The following IHO1 variants were observed in gnomAD, a reference collection of about 807,000 sequenced individuals.
IHO1 encodes interactor of HORMAD1 1.
IHO1 carries 13 observed loss-of-function variants against 31.0 expected under a neutral mutation model. That is an observed-to-expected ratio of 0.42 (90% CI 0.27 to 0.67). The LOEUF is 0.67. Ranked by LOEUF, IHO1 falls within the 30% of genes least tolerant of loss-of-function variation. IHO1 has a pLI of 0.24. For missense variants in IHO1, 599 were observed against 687.5 expected, an observed-to-expected ratio of 0.87 and a Z score of 1.44; for synonymous variants, 221 against 248.4, an observed-to-expected ratio of 0.89 and a Z score of 1.04.
chr3:49,237,887 CTTTTT>C (rs574951773), intron 3 of IHO1, among the ~76,000 whole-genome samples: 9 of 51,412 alleles, frequency 1.8e-4, no homozygotes, highest in African/African-American at 3.3e-4. Context: ...CTGTCTTTTC[CTTTTT>C]TTTTTTTTTT....
chr3:49,234,162 G>GTTTTTTTTTTT (rs56802492), intron 2 of IHO1, among the ~76,000 whole-genome samples: 63 of 91,906 alleles, frequency 6.9e-4, no homozygotes, highest in East Asian at 1.1e-3. Flanking sequence ...TTTTGTTGTT[G>GTTTTTTTTTTT]TTTTTTTTTT....
intron 6 of IHO1, among the ~76,000 whole-genome samples, chr3:49,254,198 C>T (rs985209332): frequency 3.9e-5 from 6 of 152,150 alleles, no homozygotes; most frequent in African/African-American, 4.8e-5. Flanking sequence ...GCTCATTAAA[C>T]ATTCGTTGAA....
intron 2 of IHO1, among the ~76,000 whole-genome samples, chr3:49,212,671 T>TTGTTC (rs2046237469): frequency 6.6e-6 from 1 of 152,128 alleles, no homozygotes; most frequent in African/African-American, 2.4e-5. Flanking sequence ...TGTCCAGAGT[T>TTGTTC]TGTTCCTTCT....
In IHO1 at chr3:49,255,535, T is replaced by G. The variant is rs201780163; in HGVS notation, c.636+42T>G. ...ACCTCTTTCTAAGTGTGTTTTGGGC[T>G]TTGAACTAGACCCAGAGAGAAACTT... On this transcript the variant is annotated intron_variant, in intron 7 of 7. Transcript: ENST00000452691. 3.9e-6 allele frequency: 5 copies of G among 1,270,340 alleles called. No individual in the cohort carries two copies. In the East Asian group the frequency reaches 1.3e-4, roughly 32 times the overall value. 78.7% of individuals were successfully genotyped at this position (1,270,340 alleles called of 1,614,324 possible).
intron 2 of IHO1, among the ~76,000 whole-genome samples, chr3:49,216,059 C>T (rs6446257): frequency 0.79 from 120,085 of 152,140 alleles, 47,794 homozygotes; most frequent in East Asian, 0.99. Context: ...ATTATAAAGG[C>T]TTCTTTGGCT....
intron 1 of IHO1, among the ~76,000 whole-genome samples, chr3:49,207,777 C>CTTTTT (rs11336926): frequency 2.1e-5 from 3 of 142,422 alleles, no homozygotes; most frequent in Non-Finnish European, 1.5e-5. Context: ...TATAATATTT[C>CTTTTT]TTTTTTTTTT....
At chr3:49,224,756 A>G (rs1309483183) in intron 2 of IHO1, among the ~76,000 whole-genome samples, 1 of 152,232 alleles carries the variant, frequency 6.6e-6, no homozygotes, top group Non-Finnish European at 1.5e-5. Context: ...CTAAGATATC[A>G]TCTTGAGCGG....
chr3:49,256,471 C>T lies in IHO1; in HGVS notation c.974C>T (p.Ala325Val). ...GAATTTGATGTCTGGGGTGAAGGAG[C>T]AAAGAATGATGATCTCCAAGAAGAG... is the stretch of plus-strand genomic sequence containing the variant. Reference protein sequence around the residue: ...PGEFDVWGEGAKNDDLQEEAA... With the variant: ...PGEFDVWGEGVKNDDLQEEAA... Residue 325 changes from alanine (A) to valine (V), a missense_variant, in exon 8 of 8, where the codon GCA becomes GTA. By Grantham distance (64) the Ala-to-Val change is moderately conservative. Transcript: ENST00000452691. The surrounding 1 kb of genome is among the most constrained non-coding windows in gnomAD (Gnocchi z 4.6). 1.9e-6 allele frequency: 3 copies of T among 1,614,072 alleles called. No individual in the cohort carries two copies. The highest frequency in any genetic ancestry group is 2.5e-6 in the Non-Finnish European group (3 of 1,180,010).
intron 2 of IHO1, among the ~76,000 whole-genome samples, chr3:49,219,103 G>A (rs1379684275): frequency 6.6e-6 from 1 of 152,216 alleles, no homozygotes; most frequent in East Asian, 1.9e-4. Context: ...GAGGTCAGGA[G>A]TTTGAGACCA....
intron 2 of IHO1, among the ~76,000 whole-genome samples, chr3:49,215,100 G>C (rs2046272174): frequency 6.6e-6 from 1 of 151,376 alleles, no homozygotes; most frequent in Admixed American, 6.6e-5. Context: ...GCCCAGGCTG[G>C]AGTTTAGTGG....
At chr3:49,209,203 A>G (rs982296555) in intron 1 of IHO1, among the ~76,000 whole-genome samples, 4 of 152,194 alleles carry the variant, frequency 2.6e-5, no homozygotes, top group East Asian at 1.9e-4. Flanking sequence ...TTCATTCTCA[A>G]CATTAAGGGG....
intron 2 of IHO1, among the ~76,000 whole-genome samples, chr3:49,222,637 G>A (rs993232104): frequency 2.0e-5 from 3 of 152,188 alleles, no homozygotes; most frequent in Non-Finnish European, 4.4e-5. Context: ...CATTAAAGGG[G>A]CAAGGAGAGG....
chr3:49,255,593 G>A (rs915272462), intron 7 of IHO1, 100 bp downstream of exon 7: 10 of 674,224 alleles, frequency 1.5e-5, no homozygotes, highest in Middle Eastern at 4.1e-4. Context: ...ACAGAGTCTC[G>A]CTTTGTCGTG....
Position 49,221,530 on chromosome 3 carries a change from C to T in IHO1, c.56+9694C>T, listed in dbSNP as rs372453415. On this transcript the variant is annotated intron_variant, in intron 2 of 7. Coordinates refer to ENST00000452691, the MANE Select transcript of IHO1 (RefSeq NM_001135197.2). ...CTCTCAATCCCCCCTCTAAACAGGACACCCCAACTGCTGTTGGGAATTGGG... is the reference window on the plus strand; with the variant it reads ...CTCTCAATCCCCCCTCTAAACAGGATACCCCAACTGCTGTTGGGAATTGGG... 9.8e-5 allele frequency among the ~76,000 whole-genome samples: 15 copies of T among 152,324 alleles called. No homozygotes were observed. The East Asian group carries it at 2.3e-3, about 24-fold the overall frequency.
At chr3:49,222,242 C>T (rs568208749) in intron 2 of IHO1, among the ~76,000 whole-genome samples, 6 of 152,234 alleles carry the variant, frequency 3.9e-5, no homozygotes, top group East Asian at 1.9e-4. Context: ...TCTGCGCTGA[C>T]GGATAGAGAG....
chr3:49,249,250 A>G (rs949307452), intron 6 of IHO1, among the ~76,000 whole-genome samples: 5 of 152,088 alleles, frequency 3.3e-5, no homozygotes, highest in Admixed American at 2.6e-4. Flanking sequence ...AATTATAAAA[A>G]GAACTAGAAG....
chr3:49,245,160 T>C lies in IHO1; in HGVS notation c.532+427T>C, dbSNP rs563036851. ...TTGCTGCCTTGGTTTCAGTGAGAGCTGTGTTGTGAATCACAGCATCATTCT... is the reference window on the plus strand; with the variant it reads ...TTGCTGCCTTGGTTTCAGTGAGAGCCGTGTTGTGAATCACAGCATCATTCT... On this transcript the variant is annotated intron_variant, in intron 6 of 7. Coordinates refer to ENST00000452691, the MANE Select transcript of IHO1 (RefSeq NM_001135197.2). The C allele has an allele frequency of 2.2e-4, 77 of 352,586 alleles. 1 individual carries two copies. The highest frequency in any genetic ancestry group is 1.5e-3 in the African/African-American group (75 of 48,532). The allele number at this position is 352,586 out of a possible 1,614,324, so 21.8% of individuals were successfully genotyped here. A position where few individuals can be genotyped will look rare whatever the true frequency, so the allele number is the denominator to read the frequency against.
At chr3:49,248,240 G>T (rs2046720104) in intron 6 of IHO1, among the ~76,000 whole-genome samples, 1 of 151,814 alleles carries the variant, frequency 6.6e-6, no homozygotes, top group African/African-American at 2.4e-5. Context: ...GGCTAACACG[G>T]TGAAACCCCA....
At chr3:49,222,929 A>G (rs1175228051) in intron 2 of IHO1, among the ~76,000 whole-genome samples, 1 of 152,156 alleles carries the variant, frequency 6.6e-6, no homozygotes, top group African/African-American at 2.4e-5. Flanking sequence ...GTTAGAAAGG[A>G]TTACCGAGTA....
Sources: allele counts gnomAD v4.1 joint callset (sites outside exome capture counted in the v4.1 genomes callset), GRCh38; gene constraint gnomAD v4.1.1; non-coding constraint Gnocchi (gnomAD v3.1); transcripts MANE v1.5; gene names NCBI Gene and HGNC (gene_info 2026-07-23, HGNC 2026-07-21).